CFAP61: variants seen among roughly 807,000 people sequenced by gnomAD.
The protein encoded by CFAP61 is cilia and flagella associated protein 61.
CFAP61 carries 107 observed loss-of-function variants against 135.6 expected under a neutral mutation model. That is an observed-to-expected ratio of 0.79 (90% CI 0.67 to 0.93). The LOEUF (loss-of-function observed/expected upper bound fraction) is 0.93, where lower values mean the gene tolerates loss of function less well. Ranked by LOEUF, CFAP61 falls within the 40% of genes least tolerant of loss-of-function variation. The pLI, the probability that CFAP61 is intolerant of heterozygous loss-of-function variation, is 0.00. For synonymous variants in CFAP61, 575 were observed against 578.5 expected, an observed-to-expected ratio of 0.99 and a Z score of 0.09; for missense variants, 1,507 against 1,556.2, an observed-to-expected ratio of 0.97 and a Z score of 0.53.
intron 17 of CFAP61, among the ~76,000 whole-genome samples, chr20:20,222,201 A>G (rs918333096): frequency 6.6e-6 from 1 of 152,232 alleles, no homozygotes; most frequent in Non-Finnish European, 1.5e-5. Context: ...CCACAAGTGA[A>G]TGTCATAGGG....
At chr20:20,245,553 G>A (rs763471628) in intron 18 of CFAP61, among the ~76,000 whole-genome samples, 59 of 152,128 alleles carry the variant, frequency 3.9e-4, no homozygotes, top group Non-Finnish European at 4.9e-4. Context: ...ACAACACGTG[G>A]GAATTATGGG....
At chr20:20,174,900 G>A (rs960425168) in intron 13 of CFAP61, among the ~76,000 whole-genome samples, 3 of 152,212 alleles carry the variant, frequency 2.0e-5, no homozygotes, top group Non-Finnish European at 2.9e-5. Flanking sequence ...CAGTTAGCCC[G>A]AGGTGGCAGT....
chr20:20,179,171 T>C (rs1209324163), intron 13 of CFAP61, among the ~76,000 whole-genome samples: 1 of 152,156 alleles, frequency 6.6e-6, no homozygotes, highest in East Asian at 1.9e-4. Flanking sequence ...AGAAACAACT[T>C]CAGCAAAGTC....
rs41310163 is a variant in CFAP61, at chr20:20,277,258, G to C, written c.2596G>C (p.Val866Leu). The change falls in exon 22 of 27, where the codon GTG (valine) becomes CTG (leucine). Residue 866 changes from valine (V) to leucine (L), a missense_variant. Val to Leu is a conservative substitution (Grantham distance 32). Coordinates refer to ENST00000245957, the MANE Select transcript of CFAP61 (RefSeq NM_015585.4). ...LGVSGSRIHL[V>L]QPPPASTITC... is the part of the protein sequence containing the mutation. ...CGTGAGCGGCAGCCGCATCCACCTC[G>C]TGCAGCCCCCGCCCGCCTCCACCAT... 2.0e-5 allele frequency: 33 copies of C among 1,613,858 alleles called. No individual in the cohort carries two copies. Among genetic ancestry groups the C allele is most frequent in the Non-Finnish European group, 2.6e-5 (31 of 1,180,000 alleles).
intron 13 of CFAP61, among the ~76,000 whole-genome samples, chr20:20,170,891 A>AT (rs140348013): frequency 0.021 from 3,204 of 152,336 alleles, 113 homozygotes; most frequent in African/African-American, 0.073. Flanking sequence ...GATAATTAAC[A>AT]TTTATTGAGG....
chr20:20,237,070 A>G (rs2049650444), intron 18 of CFAP61, among the ~76,000 whole-genome samples: 1 of 152,160 alleles, frequency 6.6e-6, no homozygotes, highest in African/African-American at 2.4e-5. Context: ...TATCTTTTCA[A>G]TTGACATTTC....
intron 25 of CFAP61, among the ~76,000 whole-genome samples, chr20:20,341,270 A>G (rs1294056531): frequency 6.6e-6 from 1 of 152,206 alleles, no homozygotes; most frequent in Non-Finnish European, 1.5e-5. Flanking sequence ...TGTTCTCCAT[A>G]TAAGGAAGCA....
At chr20:20,155,380 C>G (rs2052809087) in intron 9 of CFAP61, among the ~76,000 whole-genome samples, 1 of 151,006 alleles carries the variant, frequency 6.6e-6, no homozygotes, top group Non-Finnish European at 1.5e-5. Flanking sequence ...AGACCAAGAA[C>G]CCAAAAGCAA....
rs1270845580 is a variant in CFAP61 at position 20,316,370 on chromosome 20, G to T, written c.3422+17984G>T. On this transcript the variant is annotated intron_variant, in intron 25 of 26. Coordinates refer to ENST00000245957, the MANE Select transcript of CFAP61 (RefSeq NM_015585.4). Reference sequence around the variant, plus strand: ...GTTGTTGGTATATAAGAATGCTTGTGATTTTTGTACATTGATTTTGTATCC... The same window carrying T: ...GTTGTTGGTATATAAGAATGCTTGTTATTTTTGTACATTGATTTTGTATCC... Among the ~76,000 whole-genome samples the T allele has an allele frequency of 7.9e-5, 12 of 151,852 alleles. 1 individual carries two copies. Among genetic ancestry groups the T allele is most frequent in the African/African-American group, 2.9e-4 (12 of 41,368 alleles).
chr20:20,166,322 G>A (rs2053828542), intron 11 of CFAP61, 75 bp from the exon 12 acceptor site: 2 of 1,267,754 alleles, frequency 1.6e-6, no homozygotes, highest in Non-Finnish European at 1.1e-6. Context: ...GGAGGGAGCT[G>A]TAAATCTCTG....
chr20:20,235,175 A>T (rs533529936), intron 18 of CFAP61, among the ~76,000 whole-genome samples: 256 of 152,222 alleles, frequency 1.7e-3, no homozygotes, highest in Non-Finnish European at 2.5e-3. Flanking sequence ...TCTGCAGAAC[A>T]TCCTCCTAAG....
At chr20:20,352,584 G>T (rs941867559) in intron 26 of CFAP61, among the ~76,000 whole-genome samples, 1 of 152,176 alleles carries the variant, frequency 6.6e-6, no homozygotes, top group Non-Finnish European at 1.5e-5. Context: ...ACACAATGGG[G>T]AAAGGACAGT....
intron 6 of CFAP61, among the ~76,000 whole-genome samples, chr20:20,079,825 A>G (rs1327180233): frequency 6.6e-6 from 1 of 152,172 alleles, no homozygotes; most frequent in East Asian, 1.9e-4. Context: ...AAGAAATGGA[A>G]TTTTGTGTAT....
At chr20:20,262,852 GAAAAAGAC>G in intron 20 of CFAP61, 96 bp from the exon 21 acceptor site, 1 of 514,744 alleles carries the variant, frequency 1.9e-6, no homozygotes, top group Admixed American at 3.8e-5. Context: ...TCTCGGGACA[GAAAAAGAC>G]ATACTGAATA....
chr20:20,146,809 C>A (rs1448141538), intron 9 of CFAP61, among the ~76,000 whole-genome samples: 1 of 152,038 alleles, frequency 6.6e-6, no homozygotes, highest in Non-Finnish European at 1.5e-5. Flanking sequence ...TTTTTGGTTA[C>A]CTGGATAAGT....
At chr20:20,189,566 G>C (rs1174427157) in intron 14 of CFAP61, among the ~76,000 whole-genome samples, 1 of 150,432 alleles carries the variant, frequency 6.6e-6, no homozygotes, top group East Asian at 1.9e-4. Context: ...AAACGTCCTA[G>C]TGGTCCTGGT....
intron 26 of CFAP61, among the ~76,000 whole-genome samples, chr20:20,346,028 AG>A (rs1244177590): frequency 7.2e-6 from 1 of 138,142 alleles, no homozygotes; most frequent in African/African-American, 2.6e-5. Context: ...CAGCCTCCCG[AG>A]TAGCTGGGAC....
chr20:20,085,029 C>A, intron 6 of CFAP61: 1 of 792,914 alleles, frequency 1.3e-6, no homozygotes, highest in Non-Finnish European at 1.5e-6. Context: ...CCCTCCAAGA[C>A]ACATTCAGAA....
intron 18 of CFAP61, among the ~76,000 whole-genome samples, chr20:20,228,864 C>A (rs2048926422): frequency 6.6e-6 from 1 of 152,216 alleles, no homozygotes; most frequent in African/African-American, 2.4e-5. Context: ...CTGCACCCAA[C>A]TTACAGAATC....
Sources: gnomAD v4.1 joint callset for allele counts (sites outside exome capture counted in the v4.1 genomes callset) on GRCh38, gnomAD v4.1.1 for gene constraint, MANE v1.5 for transcripts, NCBI Gene and HGNC (gene_info 2026-07-23, HGNC 2026-07-21) for gene names.